Variants in DPP10 observed in about 807,000 individuals in gnomAD.
DPP10 encodes the protein dipeptidyl peptidase like 10.
Under a neutral mutation model 120.9 loss-of-function variants are expected in DPP10, and 33 were observed. The ratio of observed to expected loss-of-function variants is 0.27; its 90% confidence interval spans 0.21 to 0.37. The LOEUF (loss-of-function observed/expected upper bound fraction) is 0.37, where lower values mean the gene tolerates loss of function less well. DPP10 is among the 10% of genes least tolerant of loss of function. The probability of loss-of-function intolerance (pLI) is 1.00; values close to 1 mark genes in which losing one functional copy is unlikely to be tolerated. For synonymous variants in DPP10, 337 were observed against 326.1 expected, an observed-to-expected ratio of 1.03 and a Z score of -0.36; for missense variants, 816 against 942.8, an observed-to-expected ratio of 0.87 and a Z score of 1.76.
chr2:114,991,961 A>G (rs78925115), intron 1 of DPP10, among the ~76,000 whole-genome samples: 2,357 of 152,320 alleles, frequency 0.015, 65 homozygotes, highest in African/African-American at 0.054. Flanking sequence ...CCCAACACCT[A>G]TGTGAAATGA....
At chr2:115,475,166 A>C (rs1004427945) in intron 3 of DPP10, among the ~76,000 whole-genome samples, 4 of 152,076 alleles carry the variant, frequency 2.6e-5, no homozygotes, top group Non-Finnish European at 4.4e-5. Flanking sequence ...ACTTCTCCTC[A>C]CAGGCCCAGA....
At chr2:115,286,526 A>ATATATATATATATATATATATATT (rs10675008) in intron 1 of DPP10, among the ~76,000 whole-genome samples, 1 of 60,946 alleles carries the variant, frequency 1.6e-5, no homozygotes, top group Non-Finnish European at 3.3e-5. Context: ...ATATATATAT[A>ATATATATATATATATATATATATT]ATATATATAT....
intron 5 of DPP10, among the ~76,000 whole-genome samples, chr2:115,667,945 A>G (rs1018517879): frequency 6.6e-6 from 1 of 152,024 alleles, no homozygotes; most frequent in Non-Finnish European, 1.5e-5. Flanking sequence ...TAAATTTCAC[A>G]GGTGGGAATT....
intron 5 of DPP10, among the ~76,000 whole-genome samples, chr2:115,562,172 G>T (rs1453590076): frequency 6.6e-6 from 1 of 152,154 alleles, no homozygotes; most frequent in South Asian, 2.1e-4. Flanking sequence ...AAGTCATCGG[G>T]CTGTACAAAT....
At chr2:115,508,734 C>A (rs2077077111) in intron 4 of DPP10, among the ~76,000 whole-genome samples, 1 of 152,144 alleles carries the variant, frequency 6.6e-6, no homozygotes, top group Non-Finnish European at 1.5e-5. Flanking sequence ...GAAACCCCAT[C>A]TCTACTAAAA....
chr2:115,825,332 A>G (rs1332590747), intron 21 of DPP10, among the ~76,000 whole-genome samples: 4 of 152,034 alleles, frequency 2.6e-5, no homozygotes, highest in South Asian at 2.1e-4. Context: ...CATTCACTCA[A>G]TCTCTCCCAC....
intron 3 of DPP10, among the ~76,000 whole-genome samples, chr2:115,383,199 G>C (rs371831549): frequency 1.3e-5 from 2 of 152,140 alleles, no homozygotes; most frequent in African/African-American, 4.8e-5. Context: ...TTGAATCCCC[G>C]TGTGTTGTGG....
At chr2:115,782,267 G>T (rs1682853978) in intron 16 of DPP10, 85 bp from the exon 17 acceptor site, 1 of 1,190,558 alleles carries the variant, frequency 8.4e-7, no homozygotes, top group Non-Finnish European at 1.2e-6. Context: ...TTCCATTTGG[G>T]GGGAAAAAAC....
At chr2:115,082,598 T>A (rs1486602190) in intron 1 of DPP10, among the ~76,000 whole-genome samples, 2 of 152,232 alleles carry the variant, frequency 1.3e-5, no homozygotes, top group African/African-American at 4.8e-5. Flanking sequence ...ATCTGAGTAG[T>A]CTCAAGAATT....
rs1475634844 is a variant in DPP10 at position 115,843,345 on chromosome 2, C to A, written c.*1000C>A. The A allele has an allele frequency of 6.6e-6, 1 of 152,548 alleles. No individual in the cohort carries two copies. The highest frequency in any genetic ancestry group is 1.5e-5 in the Non-Finnish European group (1 of 68,006). The allele number at this position is 152,548 out of a possible 1,614,324, so 9.4% of individuals were successfully genotyped here. Reference sequence around the variant, plus strand: ...GTTAACAATGCAATGCCACTGAGTGCTATTTTGCTCTTTTGGTGGAGAAGG... The same window carrying A: ...GTTAACAATGCAATGCCACTGAGTGATATTTTGCTCTTTTGGTGGAGAAGG... On this transcript the variant is annotated 3_prime_UTR_variant, in exon 26 of 26. Coordinates refer to ENST00000410059, the MANE Select transcript of DPP10 (RefSeq NM_020868.6).
chr2:115,533,418 T>A (rs1344384109), intron 5 of DPP10, among the ~76,000 whole-genome samples: 1 of 152,092 alleles, frequency 6.6e-6, no homozygotes. Flanking sequence ...GATGCATTCA[T>A]TTCAGTTTAG....
chr2:114,827,821 G>A (rs1236762625), intron 1 of DPP10, among the ~76,000 whole-genome samples: 1 of 152,134 alleles, frequency 6.6e-6, no homozygotes, highest in Admixed American at 6.5e-5. Context: ...ACTTCCTTGT[G>A]AGCCTTTCTG....
intron 1 of DPP10, among the ~76,000 whole-genome samples, chr2:114,738,314 G>T (rs1677666973): frequency 6.6e-6 from 1 of 152,206 alleles, no homozygotes; most frequent in African/African-American, 2.4e-5. Context: ...ACCATAGCTA[G>T]AGGCCTTTCT....
intron 1 of DPP10, among the ~76,000 whole-genome samples, chr2:114,823,100 T>G (rs1398701536): frequency 6.6e-6 from 1 of 152,176 alleles, no homozygotes; most frequent in East Asian, 1.9e-4. Context: ...ATTTACTGTA[T>G]TACTTCTCAC....
intron 1 of DPP10, among the ~76,000 whole-genome samples, chr2:114,975,309 G>T (rs1286687940): frequency 1.3e-5 from 2 of 152,068 alleles, no homozygotes; most frequent in Non-Finnish European, 2.9e-5. Context: ...CTCCCAAAGT[G>T]CTGGGATTAC....
chr2:115,229,850 C>A (rs922518450), intron 1 of DPP10, among the ~76,000 whole-genome samples: 1 of 147,462 alleles, frequency 6.8e-6, no homozygotes, highest in South Asian at 2.1e-4. Flanking sequence ...TCCATTTTTT[C>A]TTTTCTTTTC....
intron 1 of DPP10, among the ~76,000 whole-genome samples, chr2:114,538,488 A>G (rs534934690): frequency 3.3e-5 from 5 of 152,308 alleles, no homozygotes; most frequent in African/African-American, 1.2e-4. Flanking sequence ...AAAAAAGCCA[A>G]TAGGACTAGT....
intron 1 of DPP10, among the ~76,000 whole-genome samples, chr2:115,111,034 C>T (rs1406984341): frequency 1.3e-5 from 2 of 152,040 alleles, no homozygotes; most frequent in East Asian, 3.9e-4. Context: ...TGTGAATATG[C>T]AAACCAAATA....
intron 1 of DPP10, among the ~76,000 whole-genome samples, chr2:115,163,565 G>GCACA (rs750265440): frequency 9.9e-5 from 15 of 152,128 alleles, no homozygotes; most frequent in Non-Finnish European, 1.8e-4. Flanking sequence ...CTAATCCCCA[G>GCACA]CACACATCAG....
Sources: gnomAD v4.1 joint callset for allele counts (sites outside exome capture counted in the v4.1 genomes callset) on GRCh38, gnomAD v4.1.1 for gene constraint, MANE v1.5 for transcripts, NCBI Gene and HGNC (gene_info 2026-07-23, HGNC 2026-07-21) for gene names.